The following ADCY2 variants were observed in gnomAD, a reference collection of about 807,000 sequenced individuals.
ADCY2 encodes the protein adenylate cyclase type 2.
ADCY2 carries 31 observed loss-of-function variants against 125.2 expected under a neutral mutation model. That is an observed-to-expected ratio of 0.25 (90% CI 0.19 to 0.33). The LOEUF is 0.33. ADCY2 is among the 10% of genes least tolerant of loss of function. The pLI is 1.00. For synonymous variants in ADCY2, 512 were observed against 548.4 expected, an observed-to-expected ratio of 0.93 and a Z score of 0.93; for missense variants, 904 against 1,418.2, an observed-to-expected ratio of 0.64 and a Z score of 5.82.
intron 22 of ADCY2, among the ~76,000 whole-genome samples, chr5:7,815,141 C>T (rs1025928766): frequency 1.3e-5 from 2 of 152,216 alleles, no homozygotes; most frequent in Non-Finnish European, 2.9e-5. Flanking sequence ...TGTCTGCATT[C>T]CTCCCAGCCA....
At chr5:7,446,910 A>G (rs1741282205) in intron 2 of ADCY2, among the ~76,000 whole-genome samples, 1 of 152,144 alleles carries the variant, frequency 6.6e-6, no homozygotes, top group African/African-American at 2.4e-5. Context: ...TACCTCTTTG[A>G]TAGGACTATT....
chr5:7,766,947 C>G (rs1743401970), intron 17 of ADCY2, 141 bp downstream of exon 17: 4 of 1,126,774 alleles, frequency 3.5e-6, no homozygotes, highest in Non-Finnish European at 4.8e-6. Flanking sequence ...TCTGAATTTA[C>G]AAATGTCAGC....
chr5:7,669,540 G>A (rs542754502), intron 4 of ADCY2, among the ~76,000 whole-genome samples: 5 of 152,294 alleles, frequency 3.3e-5, no homozygotes, highest in East Asian at 1.9e-4. Context: ...TTCAGTTTAC[G>A]TGGCACTGGT....
chr5:7,535,141 A>C (rs1734775300), intron 3 of ADCY2, among the ~76,000 whole-genome samples: 1 of 152,150 alleles, frequency 6.6e-6, no homozygotes, highest in Non-Finnish European at 1.5e-5. Flanking sequence ...CTCAGGTACA[A>C]GTGATTCTCC....
At chr5:7,532,005 C>T (rs1390788199) in intron 3 of ADCY2, among the ~76,000 whole-genome samples, 1 of 152,218 alleles carries the variant, frequency 6.6e-6, no homozygotes, top group East Asian at 1.9e-4. Flanking sequence ...CTCTTGCCTG[C>T]TTAGGCATTA....
Position 7,804,684 on chromosome 5 carries a change from C to T in ADCY2, c.2875C>T (p.His959Tyr), listed in dbSNP as rs1326983188. The change falls in exon 22 of 25, where the codon CAC (histidine) becomes TAC (tyrosine). Residue 959 changes from histidine (H) to tyrosine (Y), a missense_variant. Around this residue, in one of 7 missense-constraint regions of ADCY2, gnomAD observed 181 missense variants for 381.6 expected, o/e 0.47. Transcript: ENST00000338316. ...TGLSAVPSQE[H>Y]SQEPERQYMH... ...TCTGAGCGCTGTGCCCAGCCAGGAG[C>T]ACTCCCAGGTAAGACGCGTTGGCCA... 1 of 1,613,784 alleles carries T rather than the reference C, an allele frequency of 6.2e-7. No individual in the cohort carries two copies. Among genetic ancestry groups the T allele is most frequent in the Non-Finnish European group, 8.5e-7 (1 of 1,179,824 alleles).
At chr5:7,739,280 A>T (rs920618481) in intron 14 of ADCY2, among the ~76,000 whole-genome samples, 2 of 152,038 alleles carry the variant, frequency 1.3e-5, no homozygotes, top group East Asian at 1.9e-4. Flanking sequence ...AGAATATTTT[A>T]AAATATCCCC....
intron 4 of ADCY2, among the ~76,000 whole-genome samples, chr5:7,679,301 C>CTGCAGGTGATTCAGAAGAGCTGGGT (rs1196238345): frequency 7.2e-4 from 110 of 152,056 alleles, no homozygotes; most frequent in African/African-American, 2.6e-3. Context: ...GGGTCTGAGG[C>CTGCAGGTGATTCAGAAGAGCTGGGT]TGCAGGGTCA....
chr5:7,527,433 T>G (rs1734511955), intron 3 of ADCY2, among the ~76,000 whole-genome samples: 2 of 152,254 alleles, frequency 1.3e-5, no homozygotes, highest in Admixed American at 6.5e-5. Flanking sequence ...GCACTTTGTA[T>G]TTGAAACTCA....
At chr5:7,589,528 A>AAAAG (rs1561112731) in intron 3 of ADCY2, among the ~76,000 whole-genome samples, 1 of 132,558 alleles carries the variant, frequency 7.5e-6, no homozygotes, top group Non-Finnish European at 1.6e-5. Flanking sequence ...AAGAAAGAGA[A>AAAAG]AGAAAGAAAG....
At chr5:7,540,009 C>T (rs959324404) in intron 3 of ADCY2, among the ~76,000 whole-genome samples, 1 of 152,200 alleles carries the variant, frequency 6.6e-6, no homozygotes, top group Non-Finnish European at 1.5e-5. Context: ...ACAACTCTTT[C>T]TCTTGAAAAT....
At chr5:7,666,853 G>A (rs376115126) in intron 4 of ADCY2, among the ~76,000 whole-genome samples, 6 of 152,132 alleles carry the variant, frequency 3.9e-5, no homozygotes, top group Non-Finnish European at 8.8e-5. Flanking sequence ...TCTTCCCTCC[G>A]TGTGCTTGCG....
At chr5:7,423,840 T>C (rs1201661902) in intron 2 of ADCY2, among the ~76,000 whole-genome samples, 1 of 152,180 alleles carries the variant, frequency 6.6e-6, no homozygotes, top group Non-Finnish European at 1.5e-5. Flanking sequence ...GTACTGCTTT[T>C]CTTAAGAGGA....
intron 20 of ADCY2, chr5:7,801,909 G>T (rs326145): frequency 0.76 from 195,489 of 257,122 alleles, 76,496 homozygotes; most frequent in African/African-American, 0.92. Flanking sequence ...TTCAGTTGTT[G>T]AAAGGACACT....
intron 2 of ADCY2, among the ~76,000 whole-genome samples, chr5:7,426,994 A>G (rs1381287547): frequency 6.6e-6 from 1 of 152,232 alleles, no homozygotes; most frequent in Non-Finnish European, 1.5e-5. Context: ...CAGGGCTGCC[A>G]GAACAAAGTA....
intron 2 of ADCY2, among the ~76,000 whole-genome samples, chr5:7,452,777 T>G (rs1396472640): frequency 6.6e-6 from 1 of 152,256 alleles, no homozygotes; most frequent in East Asian, 1.9e-4. Flanking sequence ...TTTTTGACTT[T>G]TTAATAATGA....
chr5:7,574,759 T>A (rs1386912937), intron 3 of ADCY2, among the ~76,000 whole-genome samples: 1 of 152,174 alleles, frequency 6.6e-6, no homozygotes, highest in African/African-American at 2.4e-5. Flanking sequence ...ATCCTTTGAG[T>A]CACCAGGGAA....
intron 2 of ADCY2, among the ~76,000 whole-genome samples, chr5:7,476,363 G>A (rs941181412): frequency 6.6e-6 from 1 of 152,180 alleles, no homozygotes; most frequent in Non-Finnish European, 1.5e-5. Context: ...TGTTGTGGGA[G>A]GACATGGAGC....
In ADCY2 at chr5:7,735,130, C is replaced by T. The variant is rs151199700; in HGVS notation, c.1871+7869C>T. ...TAAGAACTCAGATGGAAGAGAGGTC[C>T]ATCTGAACATAAATGCCAGTATGCC... On this transcript the variant is annotated intron_variant, in intron 14 of 24. Coordinates refer to ENST00000338316, the MANE Select transcript of ADCY2 (RefSeq NM_020546.3). Among the ~76,000 whole-genome samples, 248 of 152,162 alleles carry T rather than the reference C, an allele frequency of 1.6e-3. 2 individuals carry two copies. Among genetic ancestry groups the T allele is most frequent in the African/African-American group, 5.6e-3 (234 of 41,510 alleles).
Sources: gnomAD v4.1 joint callset for allele counts (sites outside exome capture counted in the v4.1 genomes callset) on GRCh38, gnomAD v4.1.1 for gene constraint, gnomAD v4.1.1 regional missense constraint, MANE v1.5 for transcripts, NCBI Gene and HGNC (gene_info 2026-07-23, HGNC 2026-07-21) for gene names.